FBXL19: variants seen among roughly 807,000 people sequenced by gnomAD.
The protein encoded by FBXL19 is F-box/LRR-repeat protein 19.
In FBXL19, 16 loss-of-function variants were observed where a neutral mutation model predicts 71.2. That is an observed-to-expected ratio of 0.22 (90% CI 0.15 to 0.34). FBXL19 has a LOEUF of 0.34. Among genes scored for constraint, FBXL19 ranks in the 10% least tolerant of loss-of-function variants. The pLI is 1.00. For missense variants in FBXL19, 658 were observed against 968.2 expected, an observed-to-expected ratio of 0.68 and a Z score of 4.25; for synonymous variants, 447 against 409.4, an observed-to-expected ratio of 1.09 and a Z score of -1.11.
At chr16:30,924,665 C>T (rs1474299401) in intron 1 of FBXL19, 5 of 1,415,340 alleles carry the variant, frequency 3.5e-6, no homozygotes, top group Non-Finnish European at 4.6e-6. Flanking sequence ...AAAGCCCCCA[C>T]CCCCGCCTGC....
At position 30,927,583 on chromosome 16, in the gene FBXL19, C is replaced by A; in HGVS notation, c.332C>A (p.Ala111Asp). 1 of 1,558,876 alleles carries A rather than the reference C, an allele frequency of 6.4e-7. No individual in the cohort carries two copies. The highest frequency in any genetic ancestry group is 8.7e-7 in the Non-Finnish European group (1 of 1,151,234). ...CCCTCCTGCCTACAGATGGGGAAGG[C>A]TGAGGGTGTCATCAATGCAGAGATC... ...VHPGCLKMGKAEGVINAEIPN... is the reference protein window; with the variant it reads ...VHPGCLKMGKDEGVINAEIPN... Residue 111 changes from alanine (A) to aspartate (D), a missense_variant, in exon 4 of 11, where the codon GCT (alanine) becomes GAT (aspartate). This residue lies in a region of FBXL19 where 447 missense variants were observed against 515.4 expected (regional missense o/e 0.87). Transcript: ENST00000338343.
Position 30,947,997 on chromosome 16 carries a change from A to C in FBXL19, c.*767A>C, listed in dbSNP as rs2055881390. The C allele has an allele frequency of 5.3e-6, 2 of 378,132 alleles. No homozygotes were observed. Among genetic ancestry groups the C allele is most frequent in the South Asian group, 3.9e-5 (2 of 51,690 alleles). 23.4% of individuals were successfully genotyped at this position (378,132 alleles called of 1,614,324 possible). ...CCCAACCCCCTGCCCGCCTCTCCGC[A>C]CAATACTTGAACATTCATCTGTACT... On this transcript the variant is annotated 3_prime_UTR_variant, in exon 11 of 11. Transcript: ENST00000338343.
At position 30,923,865 on chromosome 16, in the gene FBXL19, C is replaced by T. The variant is rs1185793893; in HGVS notation, c.-619C>T. On this transcript the variant is annotated 5_prime_UTR_variant, in exon 1 of 11. Coordinates refer to ENST00000338343, the MANE Select transcript of FBXL19 (RefSeq NM_001382779.1). ...GGCCGGAGCAGCTTCCTTCACCTCC[C>T]CCTCCGCTCGCCTCGCAGCCGTAGG... Among the ~76,000 whole-genome samples, 2 of 151,304 alleles carry T rather than the reference C, an allele frequency of 1.3e-5. No individual in the cohort carries two copies. The highest frequency in any genetic ancestry group is 4.8e-5 in the African/African-American group (2 of 41,242).
At position 30,942,870 on chromosome 16, in the gene FBXL19, G is replaced by A. The variant is rs2055817557; in HGVS notation, c.1627+334G>A. Among the ~76,000 whole-genome samples, 1 of 152,152 alleles carries A rather than the reference G, an allele frequency of 6.6e-6. No individual in the cohort carries two copies. Among genetic ancestry groups the A allele is most frequent in the South Asian group, 2.1e-4 (1 of 4,830 alleles). ...AAATCTCATCATCCTTTAGGCCTGG[G>A]TATAAATGCCACTTCCTCCAAGAAG... On this transcript the variant is annotated intron_variant, in intron 9 of 10. Coordinates refer to ENST00000338343, the MANE Select transcript of FBXL19 (RefSeq NM_001382779.1). This position sits in a 1 kb window ranked among gnomAD's most constrained non-coding sequence, Gnocchi z 5.7.
At chr16:30,944,644 C>T (rs1000948912) in intron 9 of FBXL19, among the ~76,000 whole-genome samples, 1 of 152,096 alleles carries the variant, frequency 6.6e-6, no homozygotes, top group Non-Finnish European at 1.5e-5. Context: ...CAGTGCCATA[C>T]ACCTTCAAAC....
At chr16:30,923,364 G>T (rs1394257037), upstream of FBXL19, 4 of 387,810 alleles carry the variant, frequency 1.0e-5, no homozygotes, top group Non-Finnish European at 2.1e-5. Context: ...TGTAGTTCCC[G>T]CTGTCCCCAG....
intron 7 of FBXL19, among the ~76,000 whole-genome samples, chr16:30,932,748 G>C (rs2055688904): frequency 6.6e-6 from 1 of 152,136 alleles, no homozygotes. Context: ...GGCAGAGCAG[G>C]GGCCTGTGGG....
At chr16:30,932,206 C>T (rs1017603456) in intron 7 of FBXL19, among the ~76,000 whole-genome samples, 1 of 152,180 alleles carries the variant, frequency 6.6e-6, no homozygotes, top group Non-Finnish European at 1.5e-5. Flanking sequence ...CTTGAAAGAG[C>T]TCTCATTGTA....
At chr16:30,943,375 T>C (rs1449879610) in intron 9 of FBXL19, among the ~76,000 whole-genome samples, 2 of 138,882 alleles carry the variant, frequency 1.4e-5, no homozygotes, top group African/African-American at 5.4e-5. Flanking sequence ...TAATTTTTTT[T>C]TTTTTTTTTT....
At chr16:30,931,516 A>AT (rs1215615054) in intron 7 of FBXL19, among the ~76,000 whole-genome samples, 3 of 152,144 alleles carry the variant, frequency 2.0e-5, no homozygotes, top group Non-Finnish European at 4.4e-5. Context: ...GCACTGCACC[A>AT]AGGTTAGCTG....
chr16:30,925,254 G>C lies in FBXL19; in HGVS notation c.-24-477G>C, dbSNP rs999367814. Reference sequence around the variant, plus strand: ...GTGGGGCGGGGGGGAGGAAAAGTCCGGAGCTTCCGTCTAGGAATCTCTGGG... The same window carrying C: ...GTGGGGCGGGGGGGAGGAAAAGTCCCGAGCTTCCGTCTAGGAATCTCTGGG... On this transcript the variant is annotated intron_variant, in intron 1 of 10. Transcript: ENST00000338343. This position sits in a 1 kb window ranked among gnomAD's most constrained non-coding sequence, Gnocchi z 5.0. Among the ~76,000 whole-genome samples the C allele has an allele frequency of 2.6e-5, 4 of 152,052 alleles. No individual in the cohort carries two copies. The highest frequency in any genetic ancestry group is 5.9e-5 in the Non-Finnish European group (4 of 67,982).
Position 30,948,016 on chromosome 16 carries a change from C to G in FBXL19, c.*786C>G, listed in dbSNP as rs2055881664. On this transcript the variant is annotated 3_prime_UTR_variant, in exon 11 of 11. Coordinates refer to ENST00000338343, the MANE Select transcript of FBXL19 (RefSeq NM_001382779.1). ...CTCCGCACAATACTTGAACATTCATCTGTACTGAAGTGTTACTTGAACCGG... is the reference window on the plus strand; with the variant it reads ...CTCCGCACAATACTTGAACATTCATGTGTACTGAAGTGTTACTTGAACCGG... The G allele has an allele frequency of 2.8e-6, 1 of 359,908 alleles. No homozygotes were observed. The highest frequency in any genetic ancestry group is 5.5e-6 in the Non-Finnish European group (1 of 182,362). 22.3% of individuals were successfully genotyped at this position (359,908 alleles called of 1,614,324 possible). A position where few individuals can be genotyped will look rare whatever the true frequency, so the allele number is the denominator to read the frequency against.
intron 7 of FBXL19, among the ~76,000 whole-genome samples, chr16:30,940,054 C>T (rs533953179): frequency 2.6e-5 from 4 of 152,096 alleles, no homozygotes; most frequent in African/African-American, 7.2e-5. Context: ...GTCAGGATTT[C>T]GAGACCAGCC....
Position 30,942,529 on chromosome 16 carries a change from C to A in FBXL19, c.1620C>A (p.Thr540=). 1 of 1,587,378 alleles carries A rather than the reference C, an allele frequency of 6.3e-7. No homozygotes were observed. The highest frequency in any genetic ancestry group is 8.6e-7 in the Non-Finnish European group (1 of 1,166,566). The change falls in exon 9 of 11, where the codon ACC becomes ACA. Residue 540 remains threonine, a synonymous_variant. Transcript: ENST00000338343. The surrounding 1 kb of genome is among the most constrained non-coding windows in gnomAD (Gnocchi z 5.7). ...AGTTGCTGCTGCCTCCACCAGACAC[C>A]AAACCAGGTGCAACCTCTGTTTGCT... ...LRELLLPPPD[T]KPGQTESRGR... is the part of the protein sequence containing the mutation.
chr16:30,931,834 C>T (rs2055677310), intron 7 of FBXL19, among the ~76,000 whole-genome samples: 2 of 152,074 alleles, frequency 1.3e-5, no homozygotes, highest in Middle Eastern at 6.8e-3. Context: ...TCAAGCGATT[C>T]CCCTGCCTCG....
intron 7 of FBXL19, among the ~76,000 whole-genome samples, chr16:30,937,450 T>C (rs890823958): frequency 6.6e-6 from 1 of 152,100 alleles, no homozygotes; most frequent in Non-Finnish European, 1.5e-5. Context: ...GGACTGTCCA[T>C]GTCTCCCTGA....
intron 1 of FBXL19, 71 bp downstream of exon 1, chr16:30,924,530 C>T (rs1436932808): frequency 9.0e-7 from 1 of 1,107,280 alleles, no homozygotes; most frequent in Non-Finnish European, 1.2e-6. Context: ...TCAGCCCGGC[C>T]TCTCTCTACC....
At position 30,946,626 on chromosome 16, in the gene FBXL19, G is replaced by T; in HGVS notation, c.1628-104G>T. ...GAAGAGCAAGCCACAGAGTGCACCAGGTCACTCACTTATGTGGGAAGCAGG... is the reference window on the plus strand; with the variant it reads ...GAAGAGCAAGCCACAGAGTGCACCATGTCACTCACTTATGTGGGAAGCAGG... On this transcript the variant is annotated intron_variant, in intron 9 of 10. Transcript: ENST00000338343. This position sits in a 1 kb window ranked among gnomAD's most constrained non-coding sequence, Gnocchi z 6.7. 9.0e-7 allele frequency: 1 copy of T among 1,114,554 alleles called. No homozygotes were observed. Among genetic ancestry groups the T allele is most frequent in the East Asian group, 2.6e-5 (1 of 38,686 alleles). 69.0% of individuals were successfully genotyped at this position (1,114,554 alleles called of 1,614,324 possible). A position where few individuals can be genotyped will look rare whatever the true frequency, so the allele number is the denominator to read the frequency against.
At chr16:30,932,839 C>CTTTTT (rs1188274971) in intron 7 of FBXL19, among the ~76,000 whole-genome samples, 6 of 130,480 alleles carry the variant, frequency 4.6e-5, no homozygotes, top group Non-Finnish European at 8.1e-5. Context: ...GCAATGATAA[C>CTTTTT]TTTTTTTTTT....
Sources: gnomAD v4.1 joint callset for allele counts (sites outside exome capture counted in the v4.1 genomes callset) on GRCh38, gnomAD v4.1.1 for gene constraint, gnomAD v4.1.1 regional missense constraint, Gnocchi (gnomAD v3.1) non-coding constraint, MANE v1.5 for transcripts, NCBI Gene and HGNC (gene_info 2026-07-23, HGNC 2026-07-21) for gene names.